The following B4GALT6 variants were observed in gnomAD, a reference collection of about 807,000 sequenced individuals.
B4GALT6 encodes the protein UDP-Gal:beta-GlcNAc beta-1,4-galactosyltransferase 6.
A neutral mutation model predicts 46.3 loss-of-function variants in B4GALT6; 14 were observed. That is an observed-to-expected ratio of 0.30 (90% confidence interval 0.20 to 0.47). B4GALT6 has a LOEUF of 0.47. Among genes scored for constraint, B4GALT6 ranks in the 20% least tolerant of loss-of-function variants. The pLI is 0.99. For synonymous variants in B4GALT6, 168 were observed against 162.0 expected (o/e 1.04, Z -0.28); for missense variants, 386 against 480.1 (o/e 0.80, Z 1.83).
At chr18:31,674,680 T>A (rs1450778981) in intron 1 of B4GALT6, among the ~76,000 whole-genome samples, 1 of 152,204 alleles carries the variant, frequency 6.6e-6, no homozygotes, top group African/African-American at 2.4e-5. Flanking sequence ...CCCCAAGAAT[T>A]ACTCATCCAT....
At chr18:31,684,728 G>A, upstream of B4GALT6, 1 of 1,121,948 alleles carries the variant, frequency 8.9e-7, no homozygotes, top group Non-Finnish European at 1.1e-6. Flanking sequence ...AGCCGGGGAA[G>A]GGCGAGGAGG....
chr18:31,700,924 C>A, the B4GALT6 span, among the ~76,000 whole-genome samples: 2 of 152,006 alleles, frequency 1.3e-5, no homozygotes, highest in Non-Finnish European at 2.9e-5. Context: ...GAGAAATGGA[C>A]CTTCATTTTA....
At chr18:31,712,213 C>T in the B4GALT6 span, among the ~76,000 whole-genome samples, 1 of 146,770 alleles carries the variant, frequency 6.8e-6, no homozygotes, top group East Asian at 2.0e-4. Context: ...ATAATGGAGT[C>T]TTTTTCTTTT....
chr18:31,625,737 C>T lies in B4GALT6; in HGVS notation c.1026G>A (p.Lys342=). 1 of 1,599,582 alleles carries T rather than the reference C, an allele frequency of 6.3e-7. No individual in the cohort carries two copies. The highest frequency in any genetic ancestry group is 8.5e-7 in the Non-Finnish European group (1 of 1,175,994). ...LGRYKLLRYS[K]ERQYIDGLNN... is the part of the protein sequence containing the mutation. ...TCAGTCCATCGATGTACTGACGCTC[C>T]TTGGAATACCTTAGTAATTTATACC... The change falls in exon 9 of 9, where the codon AAG becomes AAA. Residue 342 remains lysine, a synonymous_variant. Coordinates refer to ENST00000306851, the MANE Select transcript of B4GALT6 (RefSeq NM_004775.5).
At chr18:31,716,979 A>G in the B4GALT6 span, among the ~76,000 whole-genome samples, 5 of 151,906 alleles carry the variant, frequency 3.3e-5, no homozygotes, top group African/African-American at 1.2e-4. Flanking sequence ...GGCGCCTGTA[A>G]TCCCAGCTAC....
At chr18:31,693,715 C>G in the B4GALT6 span, among the ~76,000 whole-genome samples, 1 of 152,136 alleles carries the variant, frequency 6.6e-6, no homozygotes, top group Non-Finnish European at 1.5e-5. Flanking sequence ...TGCTTGTAAT[C>G]CTAGCACTTT....
chr18:31,671,552 G>C (rs2144709748), intron 1 of B4GALT6, among the ~76,000 whole-genome samples: 1 of 152,280 alleles, frequency 6.6e-6, no homozygotes, highest in East Asian at 1.9e-4. Context: ...CTTCTTTTGA[G>C]AAGTGTCTGT....
At chr18:31,719,292 G>A in the B4GALT6 span, 1 of 152,252 alleles carries the variant, frequency 6.6e-6, no homozygotes, top group African/African-American at 2.4e-5. Context: ...GGGTAGAGCT[G>A]ACATACTCCA....
intron 7 of B4GALT6, 154 bp downstream of exon 7, chr18:31,626,845 A>G: frequency 1.6e-6 from 1 of 617,816 alleles, no homozygotes; most frequent in Non-Finnish European, 2.5e-6. Flanking sequence ...AGCAGACTTA[A>G]TGAAAAAAAA....
chr18:31,685,997 G>C (rs578074691), upstream of B4GALT6: 1 of 152,404 alleles, frequency 6.6e-6, no homozygotes, highest in East Asian at 1.9e-4. Flanking sequence ...ATAGGCCCTT[G>C]AGCGCCTCAG....
chr18:31,702,659 A>G, the B4GALT6 span, among the ~76,000 whole-genome samples: 1 of 152,194 alleles, frequency 6.6e-6, no homozygotes, highest in Non-Finnish European at 1.5e-5. Flanking sequence ...TGTAACCACA[A>G]AAAGGCCTAA....
chr18:31,718,380 C>A, the B4GALT6 span, among the ~76,000 whole-genome samples: 1 of 152,192 alleles, frequency 6.6e-6, no homozygotes, highest in African/African-American at 2.4e-5. Flanking sequence ...AAACCCAGGT[C>A]TATCTAAATG....
intron 5 of B4GALT6, among the ~76,000 whole-genome samples, chr18:31,634,208 T>A (rs2073828126): frequency 6.6e-6 from 1 of 152,198 alleles, no homozygotes; most frequent in Admixed American, 6.5e-5. Context: ...CCCGGTTTTA[T>A]GCCCTACCAC....
the B4GALT6 span, among the ~76,000 whole-genome samples, chr18:31,691,457 A>C: frequency 6.6e-6 from 1 of 151,676 alleles, no homozygotes; most frequent in Non-Finnish European, 1.5e-5. Context: ...GCAAAAGATA[A>C]AATATATAGA....
In B4GALT6 at chr18:31,645,388, A is replaced by T; in HGVS notation, c.438T>A (p.His146Gln). The T allele has an allele frequency of 6.2e-7, 1 of 1,613,844 alleles. No individual in the cohort carries two copies. Among genetic ancestry groups the T allele is most frequent in the Non-Finnish European group, 8.5e-7 (1 of 1,179,906 alleles). The stretch of plus-strand genomic sequence containing the variant: ...TGGGTTTACAGTCTTTTGGCCTCCA[A>T]TGACCCCCTGGCTCAATATCTAAAT... ...SKDLDIEPGG[H>Q]WRPKDCKPRW... The change falls in exon 4 of 9, where the codon CAT becomes CAA. Residue 146 changes from histidine (H) to glutamine (Q), a missense_variant. His to Gln is a conservative substitution (Grantham distance 24). Transcript: ENST00000306851.
chr18:31,698,656 CA>C, the B4GALT6 span, among the ~76,000 whole-genome samples: 2 of 149,318 alleles, frequency 1.3e-5, no homozygotes. Flanking sequence ...AAGGAAAAAA[CA>C]CAACATGTAC....
intron 3 of B4GALT6, among the ~76,000 whole-genome samples, chr18:31,651,001 T>G (rs973165062): frequency 6.6e-6 from 1 of 152,062 alleles, no homozygotes. Flanking sequence ...CTCCTGAGCT[T>G]GTGATCCACC....
At chr18:31,660,348 C>T (rs1334135761) in intron 2 of B4GALT6, among the ~76,000 whole-genome samples, 1 of 151,944 alleles carries the variant, frequency 6.6e-6, no homozygotes, top group Non-Finnish European at 1.5e-5. Flanking sequence ...TATGGGGACT[C>T]CTACCTTGCT....
chr18:31,701,329 T>C, the B4GALT6 span, among the ~76,000 whole-genome samples: 4 of 152,226 alleles, frequency 2.6e-5, no homozygotes, highest in Non-Finnish European at 5.9e-5. Context: ...ACATTCCTGC[T>C]TCTCCTGCAC....
Sources: gnomAD v4.1 joint callset for allele counts (sites outside exome capture counted in the v4.1 genomes callset) on GRCh38, gnomAD v4.1.1 for gene constraint, MANE v1.5 for transcripts, NCBI Gene and HGNC (gene_info 2026-07-23, HGNC 2026-07-21) for gene names.